ACSL3: variants seen among roughly 807,000 people sequenced by gnomAD.
ACSL3 encodes the protein fatty acid CoA ligase Acsl3.
In ACSL3, 34 loss-of-function variants were observed where a neutral mutation model predicts 84.7. The ratio of observed to expected loss-of-function variants is 0.40; its 90% CI spans 0.31 to 0.53. The LOEUF (loss-of-function observed/expected upper bound fraction) is 0.53, where lower values mean the gene tolerates loss of function less well. ACSL3 is among the 20% of genes least tolerant of loss of function. The probability of loss-of-function intolerance (pLI) is 0.48; values close to 1 mark genes in which losing one functional copy is unlikely to be tolerated. For missense variants in ACSL3, 680 were observed against 873.1 expected, an observed-to-expected ratio of 0.78 and a Z score of 2.79; for synonymous variants, 315 against 299.4, an observed-to-expected ratio of 1.05 and a Z score of -0.54.
intron 1 of ACSL3, among the ~76,000 whole-genome samples, chr2:222,871,063 A>C (rs1695288272): frequency 6.6e-6 from 1 of 152,292 alleles, no homozygotes; most frequent in Non-Finnish European, 1.5e-5. Flanking sequence ...AAGGACCTGA[A>C]CTGATAAAGT....
At chr2:222,866,387 C>T (rs939091211) in intron 1 of ACSL3, among the ~76,000 whole-genome samples, 7 of 152,236 alleles carry the variant, frequency 4.6e-5, no homozygotes, top group South Asian at 4.1e-4. Context: ...CCTTGTGATC[C>T]GCCCGCCTCG....
chr2:222,873,177 G>A (rs1481592358), intron 1 of ACSL3, among the ~76,000 whole-genome samples: 1 of 152,068 alleles, frequency 6.6e-6, no homozygotes, highest in Non-Finnish European at 1.5e-5. Flanking sequence ...TTTATGATTA[G>A]CAATGTTACA....
intron 10 of ACSL3, among the ~76,000 whole-genome samples, chr2:222,923,439 A>T (rs1696791414): frequency 6.6e-6 from 1 of 152,222 alleles, no homozygotes; most frequent in African/African-American, 2.4e-5. Flanking sequence ...TCTGTTGGTG[A>T]ATTCATTGAC....
intron 4 of ACSL3, among the ~76,000 whole-genome samples, chr2:222,912,779 G>A (rs1574549126): frequency 6.6e-6 from 1 of 152,164 alleles, no homozygotes. Flanking sequence ...GCTTCACTAC[G>A]ACCAGATTCT....
chr2:222,927,066 C>T lies in ACSL3; in HGVS notation c.1342C>T (p.Leu448=). ...CTTGCTAGGGGGAAATATTCGTCTC[C>T]TGTTGTGTGGTGGCGCTCCACTTTC... The part of the protein sequence containing the change: ...RSLLGGNIRL[L]LCGGAPLSAT... Residue 448 remains leucine, a synonymous_variant, in exon 12 of 17, where the codon CTG becomes TTG. Coordinates refer to ENST00000357430, the MANE Select transcript of ACSL3 (RefSeq NM_004457.5). 1 of 1,613,930 alleles carries T rather than the reference C, an allele frequency of 6.2e-7. No homozygotes were observed. Among genetic ancestry groups the T allele is most frequent in the South Asian group, 1.1e-5 (1 of 91,070 alleles).
Position 222,901,964 on chromosome 2 carries a change from A to AAAAAAAAAAAG in ACSL3, c.-41+1184_-41+1185insAAAAAAAAAAG, listed in dbSNP as rs57522671. Among the ~76,000 whole-genome samples, 250 of 99,402 alleles carry AAAAAAAAAAAG rather than the reference A, an allele frequency of 2.5e-3. 36 individuals are homozygous for AAAAAAAAAAAG. The highest frequency in any genetic ancestry group is 3.6e-3 in the African/African-American group (89 of 24,612). The allele number at this position is 99,402 out of a possible 152,430, so 65.2% of individuals were successfully genotyped here. On this transcript the variant is annotated intron_variant, in intron 3 of 16. Transcript: ENST00000357430. Reference sequence around the variant, plus strand: ...GTCTCAAAAAAAAAAAAAAAAAAAAAGAACTCAAATATTGTTGAGGTAGCA... The same window carrying AAAAAAAAAAAG: ...GTCTCAAAAAAAAAAAAAAAAAAAAAAAAAAAAAAAGGAACTCAAATATTGTTGAGGTAGCA...
intron 16 of ACSL3, among the ~76,000 whole-genome samples, chr2:222,938,391 T>C (rs1490490201): frequency 6.6e-6 from 1 of 152,190 alleles, no homozygotes; most frequent in Non-Finnish European, 1.5e-5. Context: ...CAAGGAGTCT[T>C]AATTTTTCCC....
chr2:222,942,921 C>T lies in ACSL3; in HGVS notation c.*1267C>T, dbSNP rs1385056529. ...TTGCTTGTGTGATACATAGTCTCTT[C>T]ATTTATTACTGCTTGTCTGTTGTTA... is the stretch of plus-strand genomic sequence containing the variant. On this transcript the variant is annotated 3_prime_UTR_variant, in exon 17 of 17. Transcript: ENST00000357430. The T allele has an allele frequency of 5.0e-6, 1 of 199,628 alleles. No individual in the cohort carries two copies. Among genetic ancestry groups the T allele is most frequent in the Non-Finnish European group, 9.9e-6 (1 of 101,350 alleles). 12.4% of individuals were successfully genotyped at this position (199,628 alleles called of 1,614,324 possible).
At chr2:222,940,090 T>C (rs548618105) in intron 16 of ACSL3, among the ~76,000 whole-genome samples, 1 of 152,346 alleles carries the variant, frequency 6.6e-6, no homozygotes, top group South Asian at 2.1e-4. Context: ...CAAAACTACA[T>C]CTGCCCCTTA....
rs139391868 is a variant in ACSL3, at chr2:222,928,268, G to A, written c.1466-594G>A. Reference sequence around the variant, plus strand: ...TATTAATTTTAAATAGGGTGTGATAGCATAAGCTGATGGAAGCCTGCAGAG... The same window carrying A: ...TATTAATTTTAAATAGGGTGTGATAACATAAGCTGATGGAAGCCTGCAGAG... On this transcript the variant is annotated intron_variant, in intron 12 of 16. Transcript: ENST00000357430. 2.0e-3 allele frequency among the ~76,000 whole-genome samples: 301 copies of A among 152,320 alleles called. 4 individuals carry two copies. The highest frequency in any genetic ancestry group is 7.1e-3 in the African/African-American group (294 of 41,562).
chr2:222,877,005 G>C (rs544297509), intron 1 of ACSL3, among the ~76,000 whole-genome samples: 4 of 152,238 alleles, frequency 2.6e-5, no homozygotes, highest in Non-Finnish European at 5.9e-5. Flanking sequence ...TTCTGAGTTA[G>C]GAGGGGATTG....
intron 16 of ACSL3, among the ~76,000 whole-genome samples, chr2:222,936,981 C>A (rs1278751626): frequency 6.6e-6 from 1 of 152,162 alleles, no homozygotes; most frequent in Non-Finnish European, 1.5e-5. Context: ...CACCTCCCAC[C>A]AGGTTCCCCC....
intron 1 of ACSL3, among the ~76,000 whole-genome samples, chr2:222,865,552 A>G (rs1695115238): frequency 6.6e-6 from 1 of 152,242 alleles, no homozygotes; most frequent in Non-Finnish European, 1.5e-5. Flanking sequence ...TGAACAAATT[A>G]CAGCATGGTG....
intron 4 of ACSL3, among the ~76,000 whole-genome samples, chr2:222,911,349 A>G (rs575199564): frequency 1.6e-4 from 25 of 152,314 alleles, no homozygotes; most frequent in Non-Finnish European, 2.8e-4. Context: ...GCGCCCAACC[A>G]GCACAGCTTT....
rs890738117 is a variant in ACSL3 at position 222,939,005 on chromosome 2, G to A, written c.2006-2492G>A. Among the ~76,000 whole-genome samples the A allele has an allele frequency of 1.7e-4, 25 of 150,790 alleles. 1 individual carries two copies. Among genetic ancestry groups the A allele is most frequent in the African/African-American group, 5.1e-4 (21 of 40,958 alleles). ...ATTTATACTTTCATTTTGTTCATGC[G>A]TTGTTTTCTTGTTTTTTTTCAGGTG... On this transcript the variant is annotated intron_variant, in intron 16 of 16. Transcript: ENST00000357430.
At chr2:222,881,784 G>A (rs1053413223) in intron 1 of ACSL3, among the ~76,000 whole-genome samples, 7 of 152,178 alleles carry the variant, frequency 4.6e-5, no homozygotes, top group Admixed American at 3.3e-4. Flanking sequence ...GATTATAGGT[G>A]TGAGCCATTG....
chr2:222,898,050 C>T (rs1183450659), intron 2 of ACSL3, among the ~76,000 whole-genome samples: 3 of 152,216 alleles, frequency 2.0e-5, no homozygotes, highest in Non-Finnish European at 4.4e-5. Context: ...AAGCTCTTTT[C>T]AAGTTTAAGG....
At chr2:222,913,110 T>TC (rs1696487874) in intron 4 of ACSL3, among the ~76,000 whole-genome samples, 1 of 152,244 alleles carries the variant, frequency 6.6e-6, no homozygotes, top group African/African-American at 2.4e-5. Context: ...CTTGATTTTT[T>TC]CTTAGATATT....
chr2:222,875,696 GC>G (rs1291145742), intron 1 of ACSL3, among the ~76,000 whole-genome samples: 2 of 152,122 alleles, frequency 1.3e-5, no homozygotes, highest in African/African-American at 4.8e-5. Context: ...AACCTAGATG[GC>G]CTTACTGATT....
Sources: gnomAD v4.1 joint callset for allele counts (sites outside exome capture counted in the v4.1 genomes callset) on GRCh38, gnomAD v4.1.1 for gene constraint, MANE v1.5 for transcripts, NCBI Gene and HGNC (gene_info 2026-07-23, HGNC 2026-07-21) for gene names.